Variants in GPHN observed in about 807,000 individuals in gnomAD.
The protein encoded by GPHN is gephyrin.
Under a neutral mutation model 95.5 loss-of-function variants are expected in GPHN, and 17 were observed. The observed-to-expected ratio is 0.18, with a 90% CI of 0.12 to 0.27. The LOEUF (loss-of-function observed/expected upper bound fraction) is 0.27, where lower values mean the gene tolerates loss of function less well. GPHN is among the 10% of genes least tolerant of loss of function. The pLI is 1.00. For synonymous variants in GPHN, 320 were observed against 322.5 expected (o/e 0.99, Z 0.08); for missense variants, 660 against 978.1 (o/e 0.67, Z 4.34).
the GPHN span, chr14:67,726,042 G>T: frequency 6.3e-7 from 1 of 1,595,926 alleles, no homozygotes; most frequent in South Asian, 1.1e-5. Flanking sequence ...CTTTGGTTGT[G>T]CCCTATAGAG....
At chr14:66,877,715 C>T (rs2063734646) in intron 4 of GPHN, among the ~76,000 whole-genome samples, 1 of 152,088 alleles carries the variant, frequency 6.6e-6, no homozygotes, top group African/African-American at 2.4e-5. Context: ...CTACAAACCA[C>T]TGCTCAAGGA....
chr14:67,221,121 C>T, the GPHN span, among the ~76,000 whole-genome samples: 1 of 152,136 alleles, frequency 6.6e-6, no homozygotes, highest in African/African-American at 2.4e-5. Flanking sequence ...TTTTAAAAAT[C>T]AGGAGCACAG....
chr14:67,460,799 C>T, the GPHN span, among the ~76,000 whole-genome samples: 1 of 152,186 alleles, frequency 6.6e-6, no homozygotes, highest in Admixed American at 6.5e-5. Flanking sequence ...CTATGGGGTG[C>T]TGACTGACAC....
chr14:67,188,808 CCT>C, the GPHN span, among the ~76,000 whole-genome samples: 1 of 147,208 alleles, frequency 6.8e-6, no homozygotes, highest in African/African-American at 2.6e-5. Context: ...CTTCCTTCTT[CCT>C]TTCTTTTTCT....
chr14:66,617,528 A>G (rs1457896853), intron 1 of GPHN, among the ~76,000 whole-genome samples: 6 of 152,144 alleles, frequency 3.9e-5, no homozygotes, highest in Non-Finnish European at 8.8e-5. Context: ...TTCATGGACC[A>G]CACAAGCTTT....
At chr14:67,513,062 A>G in the GPHN span, among the ~76,000 whole-genome samples, 1 of 152,222 alleles carries the variant, frequency 6.6e-6, no homozygotes, top group Non-Finnish European at 1.5e-5. Context: ...TGAGGGTCTT[A>G]AATCACTTTA....
chr14:67,666,629 T>A, the GPHN span, among the ~76,000 whole-genome samples: 1 of 152,214 alleles, frequency 6.6e-6, no homozygotes, highest in East Asian at 1.9e-4. Context: ...TTCTTTAGGC[T>A]CAGAATTATG....
At chr14:67,235,214 C>T in the GPHN span, among the ~76,000 whole-genome samples, 1 of 151,472 alleles carries the variant, frequency 6.6e-6, no homozygotes, top group Admixed American at 6.6e-5. Flanking sequence ...CAGGTATTCA[C>T]ATGTAAATAT....
chr14:66,722,681 G>A (rs1008338851), intron 2 of GPHN, among the ~76,000 whole-genome samples: 2 of 152,042 alleles, frequency 1.3e-5, no homozygotes, highest in African/African-American at 4.8e-5. Flanking sequence ...GGCTTCAAGT[G>A]ATCCCCCCAC....
the GPHN span, among the ~76,000 whole-genome samples, chr14:67,358,169 G>C: frequency 6.6e-6 from 1 of 152,094 alleles, no homozygotes; most frequent in African/African-American, 2.4e-5. Flanking sequence ...AACTAGTGTC[G>C]ATGTCTTTCA....
At chr14:66,563,765 T>A (rs532294000) in intron 1 of GPHN, among the ~76,000 whole-genome samples, 14 of 152,154 alleles carry the variant, frequency 9.2e-5, no homozygotes, top group Middle Eastern at 6.8e-3. Flanking sequence ...TTTATTTTTA[T>A]TTTTTTTCTT....
At chr14:66,702,878 A>C (rs2068692089) in intron 2 of GPHN, among the ~76,000 whole-genome samples, 2 of 152,244 alleles carry the variant, frequency 1.3e-5, no homozygotes, top group South Asian at 4.1e-4. Context: ...ACCCAATGCA[A>C]CAAAGATAAG....
rs185698051 is a variant in GPHN at position 66,690,998 on chromosome 14, G to C, written c.143+9813G>C. ...TATGCTGACTCACTTACGTATTTCA[G>C]TGAAAACCCAAAGATTTTTATTTAG... On this transcript the variant is annotated intron_variant, in intron 2 of 22. Coordinates refer to ENST00000478722, the MANE Select transcript of GPHN (RefSeq NM_020806.5). Among the ~76,000 whole-genome samples the C allele has an allele frequency of 3.3e-5, 5 of 152,198 alleles. No individual in the cohort carries two copies. The East Asian group carries it at 9.7e-4, about 29-fold the overall frequency.
intron 2 of GPHN, among the ~76,000 whole-genome samples, chr14:66,752,483 A>C (rs1318329836): frequency 6.6e-6 from 1 of 152,110 alleles, no homozygotes; most frequent in African/African-American, 2.4e-5. Flanking sequence ...AGGAATAAGG[A>C]GACCCAAGAA....
the GPHN span, among the ~76,000 whole-genome samples, chr14:67,209,853 T>C: frequency 6.8e-6 from 1 of 147,104 alleles, no homozygotes; most frequent in African/African-American, 2.5e-5. Flanking sequence ...CGAAAAAGTA[T>C]AATAGATTAC....
At position 66,639,402 on chromosome 14, in the gene GPHN, A is replaced by G. The variant is rs567149407; in HGVS notation, c.65-41705A>G. On this transcript the variant is annotated intron_variant, in intron 1 of 22. Coordinates refer to ENST00000478722, the MANE Select transcript of GPHN (RefSeq NM_020806.5). ...GATGTATTTGACATCTGGAATCAAT[A>G]TGTACAAGATGGATGTGTCTCTGGT... is the stretch of plus-strand genomic sequence containing the variant. 4.6e-5 allele frequency among the ~76,000 whole-genome samples: 7 copies of G among 152,264 alleles called. No individual in the cohort carries two copies. The South Asian group carries it at 1.4e-3, about 32-fold the overall frequency.
chr14:66,866,425 G>A (rs2063224890), intron 4 of GPHN, among the ~76,000 whole-genome samples: 1 of 151,966 alleles, frequency 6.6e-6, no homozygotes, highest in African/African-American at 2.4e-5. Context: ...TATATAAGTG[G>A]AATATGAAGA....
the GPHN span, among the ~76,000 whole-genome samples, chr14:67,439,432 A>G: frequency 5.9e-5 from 9 of 152,302 alleles, no homozygotes; most frequent in South Asian, 1.9e-3. Context: ...GCTAATGACA[A>G]TTTACAGACT....
At chr14:67,231,416 C>G in the GPHN span, among the ~76,000 whole-genome samples, 1 of 152,094 alleles carries the variant, frequency 6.6e-6, no homozygotes, top group Non-Finnish European at 1.5e-5. Context: ...CCCACCTCAG[C>G]CTCTGAAGTA....
Sources: gnomAD v4.1 joint callset for allele counts (sites outside exome capture counted in the v4.1 genomes callset) on GRCh38, gnomAD v4.1.1 for gene constraint, MANE v1.5 for transcripts, NCBI Gene and HGNC (gene_info 2026-07-23, HGNC 2026-07-21) for gene names.